The following ACBD6 variants were observed in gnomAD, a reference collection of about 807,000 sequenced individuals.
The protein encoded by ACBD6 is acyl-CoA-binding domain-containing protein 6.
ACBD6 carries 28 observed loss-of-function variants against 37.2 expected under a neutral mutation model. That is an observed-to-expected ratio of 0.75 (90% CI 0.56 to 1.03). The LOEUF (loss-of-function observed/expected upper bound fraction) is 1.03. Among genes scored for constraint, ACBD6 ranks in the 50% least tolerant of loss-of-function variants. The pLI is 0.00. For synonymous variants in ACBD6, 113 were observed against 126.8 expected (o/e 0.89, Z 0.73); for missense variants, 340 against 337.4 (o/e 1.01, Z -0.06).
chr1:180,475,409 T>A (rs1164206339), intron 3 of ACBD6, among the ~76,000 whole-genome samples: 1 of 152,144 alleles, frequency 6.6e-6, no homozygotes, highest in African/African-American at 2.4e-5. Context: ...ATTTTTGACA[T>A]GGGGTCCCAC....
intron 6 of ACBD6, among the ~76,000 whole-genome samples, chr1:180,387,850 G>C (rs1038389593): frequency 6.6e-6 from 1 of 152,096 alleles, no homozygotes; most frequent in Non-Finnish European, 1.5e-5. Flanking sequence ...GGCTTCTCCA[G>C]AGCCCACTTC....
intron 2 of ACBD6, among the ~76,000 whole-genome samples, chr1:180,494,408 G>A (rs1651646634): frequency 6.6e-6 from 1 of 152,092 alleles, no homozygotes; most frequent in Non-Finnish European, 1.5e-5. Flanking sequence ...ATAATATGTT[G>A]GCTGGTTATC....
At chr1:180,406,022 A>C (rs992564661) in intron 5 of ACBD6, among the ~76,000 whole-genome samples, 1 of 152,152 alleles carries the variant, frequency 6.6e-6, no homozygotes, top group Non-Finnish European at 1.5e-5. Flanking sequence ...TAATTTTTTA[A>C]AAAAGTACAT....
chr1:180,457,665 T>C (rs905837325), intron 3 of ACBD6, among the ~76,000 whole-genome samples: 3 of 152,084 alleles, frequency 2.0e-5, no homozygotes, highest in Admixed American at 2.0e-4. Context: ...AGTGGGTTAT[T>C]TTGAGGGAAG....
intron 13 of ACBD6, among the ~76,000 whole-genome samples, chr1:180,272,266 C>T (rs1648717091): frequency 6.6e-6 from 1 of 152,154 alleles, no homozygotes; most frequent in Admixed American, 6.5e-5. Flanking sequence ...TCTCCCCTCC[C>T]CTCCTGCTGA....
At chr1:180,403,646 C>T (rs1647483430) in intron 5 of ACBD6, among the ~76,000 whole-genome samples, 1 of 152,106 alleles carries the variant, frequency 6.6e-6, no homozygotes, top group African/African-American at 2.4e-5. Flanking sequence ...GAGCATAATT[C>T]ACAACAGTCA....
chr1:180,489,505 TTAA>T (rs1651404565), intron 3 of ACBD6, among the ~76,000 whole-genome samples: 1 of 151,246 alleles, frequency 6.6e-6, no homozygotes, highest in African/African-American at 2.4e-5. Flanking sequence ...ATTAAATATA[TTAA>T]TTTTTTAAAG....
At chr1:180,463,439 A>C (rs969642696) in intron 3 of ACBD6, among the ~76,000 whole-genome samples, 3 of 152,212 alleles carry the variant, frequency 2.0e-5, no homozygotes, top group African/African-American at 7.2e-5. Context: ...CTATGCATAT[A>C]AACTAAAAAC....
intron 4 of ACBD6, among the ~76,000 whole-genome samples, chr1:180,427,357 C>A (rs1648623765): frequency 6.6e-6 from 1 of 152,152 alleles, no homozygotes; most frequent in South Asian, 2.1e-4. Context: ...TCCAAGTCTA[C>A]CATTTGATGC....
chr1:180,330,145 C>G (rs1651422864), intron 6 of ACBD6, among the ~76,000 whole-genome samples: 1 of 152,178 alleles, frequency 6.6e-6, no homozygotes, highest in East Asian at 1.9e-4. Flanking sequence ...GGCATGGTGG[C>G]TCATGACTCT....
chr1:180,274,711 C>A, exon 10 of ACBD6: 1 of 1,111,378 alleles, frequency 9.0e-7, no homozygotes, highest in Non-Finnish European at 1.3e-6. Context: ...AAGTCCTCCG[C>A]TGATTCCTAG....
At position 180,330,158 on chromosome 1, in the gene ACBD6, T is replaced by C. The variant is rs1193700599; in HGVS notation, c.664-15436A>G. ...TGGGCATGGTGGCTCATGACTCTAA[T>C]TCTAGTACTTTGAGAGGCTGAGGTG... On this transcript the variant is annotated intron_variant, in intron 6 of 7. Transcript: ENST00000367595. Among the ~76,000 whole-genome samples the C allele has an allele frequency of 3.3e-5, 5 of 152,134 alleles. No homozygotes were observed. In the East Asian group the frequency reaches 7.7e-4, roughly 23 times the overall value.
intron 6 of ACBD6, among the ~76,000 whole-genome samples, chr1:180,356,781 C>T (rs1240707851): frequency 2.7e-5 from 4 of 149,210 alleles, no homozygotes; most frequent in Admixed American, 6.7e-5. Context: ...GCATGGGCGG[C>T]GGAGGTTGCA....
chr1:180,274,285 C>A (rs375441662), intron 10 of ACBD6: 1 of 1,614,140 alleles, frequency 6.2e-7, no homozygotes, highest in Non-Finnish European at 8.5e-7. Flanking sequence ...TCTCCATGGA[C>A]GGGACAGGAC....
intron 3 of ACBD6, among the ~76,000 whole-genome samples, chr1:180,481,009 A>G (rs903269135): frequency 1.9e-4 from 29 of 151,832 alleles, no homozygotes; most frequent in Non-Finnish European, 3.5e-4. Context: ...CCAGCCTGAC[A>G]ACAGAGTGAG....
chr1:180,455,513 A>G (rs1649880856), intron 3 of ACBD6, among the ~76,000 whole-genome samples: 1 of 152,178 alleles, frequency 6.6e-6, no homozygotes, highest in Admixed American at 6.5e-5. Flanking sequence ...CAGAACTTAA[A>G]GTATAATTTA....
intron 6 of ACBD6, among the ~76,000 whole-genome samples, chr1:180,369,528 C>T (rs1478505120): frequency 6.6e-6 from 1 of 152,324 alleles, no homozygotes; most frequent in Non-Finnish European, 1.5e-5. Context: ...TCGTATACCT[C>T]AGCTTTCTTC....
At chr1:180,403,647 A>G (rs558137186) in intron 5 of ACBD6, among the ~76,000 whole-genome samples, 2 of 152,358 alleles carry the variant, frequency 1.3e-5, no homozygotes, top group East Asian at 3.9e-4. Context: ...AGCATAATTC[A>G]CAACAGTCAA....
chr1:180,358,712 T>C, intron 6 of ACBD6, among the ~76,000 whole-genome samples: 1 of 152,182 alleles, frequency 6.6e-6, no homozygotes, highest in East Asian at 1.9e-4. Context: ...CTGCAGGTTT[T>C]ATAAATACAT....
Sources: gnomAD v4.1 joint callset for allele counts (sites outside exome capture counted in the v4.1 genomes callset) on GRCh38, gnomAD v4.1.1 for gene constraint, MANE v1.5 for transcripts, NCBI Gene and HGNC (gene_info 2026-07-23, HGNC 2026-07-21) for gene names.